The following GALK2 variants were observed in gnomAD, a reference collection of about 807,000 sequenced individuals.
GALK2 encodes the protein N-acetylgalactosamine kinase.
In GALK2, 36 loss-of-function variants were observed where a neutral mutation model predicts 52.4. That is an observed-to-expected ratio of 0.69 (90% CI 0.53 to 0.91). GALK2 has a LOEUF of 0.91. Ranked by LOEUF, GALK2 falls within the 40% of genes least tolerant of loss-of-function variation. The probability of loss-of-function intolerance (pLI) is 0.00; values close to 1 mark genes in which losing one functional copy is unlikely to be tolerated. For synonymous variants in GALK2, 176 were observed against 199.1 expected (o/e 0.88, Z 0.98); for missense variants, 579 against 559.1 (o/e 1.04, Z -0.36).
At chr15:49,193,250 G>A (rs973659754) in intron 1 of GALK2, among the ~76,000 whole-genome samples, 3 of 151,892 alleles carry the variant, frequency 2.0e-5, no homozygotes, top group Non-Finnish European at 4.4e-5. Context: ...CACTCGCCTT[G>A]GCCTCCCAAA....
At position 49,252,265 on chromosome 15, in the gene GALK2, C is replaced by CA. The variant is rs926313332; in HGVS notation, c.504+12908dup. Among the ~76,000 whole-genome samples the CA allele has an allele frequency of 1.1e-4, 16 of 149,760 alleles. No homozygotes were observed. The East Asian group carries it at 1.2e-3, about 11-fold the overall frequency. Reference sequence around the variant, plus strand: ...TGGGTGACAGAGTAAGACTTCGTCTCAAAAAAAAAATTATACACACACACA... The same window carrying CA: ...TGGGTGACAGAGTAAGACTTCGTCTCAAAAAAAAAAATTATACACACACACA... On this transcript the variant is annotated intron_variant, in intron 5 of 9. Coordinates refer to ENST00000560031, the MANE Select transcript of GALK2 (RefSeq NM_002044.4).
At chr15:49,268,492 G>T (rs1381988199) in intron 5 of GALK2, among the ~76,000 whole-genome samples, 1 of 152,226 alleles carries the variant, frequency 6.6e-6, no homozygotes, top group African/African-American at 2.4e-5. Context: ...TCCACTGAAA[G>T]ATGTGGATAG....
intron 5 of GALK2, among the ~76,000 whole-genome samples, chr15:49,267,935 A>G (rs925573499): frequency 6.6e-6 from 1 of 152,202 alleles, no homozygotes; most frequent in African/African-American, 2.4e-5. Context: ...AGAAAGTGAT[A>G]TTTCACTCTC....
rs192471779 is a variant in GALK2, at chr15:49,248,308, G to A, written c.504+8941G>A. Among the ~76,000 whole-genome samples, 11 of 152,274 alleles carry A rather than the reference G, an allele frequency of 7.2e-5. No individual in the cohort carries two copies. The East Asian group carries it at 2.1e-3, about 29-fold the overall frequency. On this transcript the variant is annotated intron_variant, in intron 5 of 9. Transcript: ENST00000560031. ...GCACTGTCACTAATTATTATGCTTA[G>A]AAGTCCACATAAGGACATTGTTTCA...
At chr15:49,224,562 A>G (rs1253522732) in intron 3 of GALK2, among the ~76,000 whole-genome samples, 2 of 152,218 alleles carry the variant, frequency 1.3e-5, no homozygotes, top group Non-Finnish European at 2.9e-5. Flanking sequence ...CAGTTATACC[A>G]GCACCATTTA....
intron 3 of GALK2, among the ~76,000 whole-genome samples, chr15:49,227,702 A>T (rs542003695): frequency 2.0e-5 from 3 of 151,356 alleles, no homozygotes; most frequent in African/African-American, 7.3e-5. Context: ...TGTTTTATAT[A>T]TCTTTTTTCT....
intron 1 of GALK2, among the ~76,000 whole-genome samples, chr15:49,182,346 G>A (rs991380523): frequency 1.3e-5 from 2 of 152,146 alleles, no homozygotes; most frequent in African/African-American, 4.8e-5. Context: ...TTACGGCTGA[G>A]TAGTACTCCA....
intron 2 of GALK2, among the ~76,000 whole-genome samples, chr15:49,210,702 GAGTGTT>G (rs1465748663): frequency 6.6e-6 from 1 of 151,952 alleles, no homozygotes; most frequent in African/African-American, 2.4e-5. Context: ...CGGCCTCCCA[GAGTGTT>G]AGGATTACAG....
intron 3 of GALK2, among the ~76,000 whole-genome samples, chr15:49,226,936 A>G (rs1282012606): frequency 6.6e-6 from 1 of 152,216 alleles, no homozygotes. Context: ...CATTGTATCT[A>G]AGAAGGTATT....
chr15:49,280,919 C>T (rs1448800056), intron 5 of GALK2, among the ~76,000 whole-genome samples: 2 of 152,144 alleles, frequency 1.3e-5, no homozygotes, highest in African/African-American at 2.4e-5. Context: ...TCACTGCAAC[C>T]TCCGCTGCCC....
intron 8 of GALK2, among the ~76,000 whole-genome samples, chr15:49,304,411 T>A (rs2035373822): frequency 5.3e-5 from 8 of 152,212 alleles, no homozygotes; most frequent in Middle Eastern, 3.4e-3. Flanking sequence ...AGCAAAAGAG[T>A]TTGTTCATCT....
chr15:49,355,238 G>A (rs2042941179), intron 3 of GALK2, among the ~76,000 whole-genome samples: 1 of 152,210 alleles, frequency 6.6e-6, no homozygotes, highest in Non-Finnish European at 1.5e-5. Context: ...AAGCTGGATG[G>A]AGAATGACTT....
chr15:49,289,100 G>A (rs1285585099), intron 7 of GALK2, among the ~76,000 whole-genome samples: 1 of 152,152 alleles, frequency 6.6e-6, no homozygotes, highest in East Asian at 1.9e-4. Flanking sequence ...ATCATAATTG[G>A]ATTAAGTTCT....
intron 5 of GALK2, among the ~76,000 whole-genome samples, chr15:49,246,275 T>C (rs1269486032): frequency 6.6e-6 from 1 of 152,172 alleles, no homozygotes; most frequent in African/African-American, 2.4e-5. Flanking sequence ...AGAATAGAAA[T>C]AGCTGGCCTA....
intron 3 of GALK2, among the ~76,000 whole-genome samples, chr15:49,348,272 G>GTATA (rs2041810055): frequency 6.6e-6 from 1 of 152,066 alleles, no homozygotes; most frequent in Non-Finnish European, 1.5e-5. Context: ...CCTCCACAAA[G>GTATA]CTATTCCAAA....
intron 5 of GALK2, among the ~76,000 whole-genome samples, chr15:49,269,951 C>CT (rs1347374841): frequency 6.6e-6 from 1 of 152,252 alleles, no homozygotes; most frequent in East Asian, 1.9e-4. Flanking sequence ...TATTCTTTCT[C>CT]TAAGCCACAC....
chr15:49,325,755 T>C (rs373220700), intron 9 of GALK2, among the ~76,000 whole-genome samples: 3 of 152,326 alleles, frequency 2.0e-5, no homozygotes, highest in African/African-American at 7.2e-5. Flanking sequence ...GACCATGTGA[T>C]TGATGCAATT....
At chr15:49,229,767 G>A (rs1322974482) in intron 3 of GALK2, among the ~76,000 whole-genome samples, 2 of 152,118 alleles carry the variant, frequency 1.3e-5, no homozygotes, top group Admixed American at 1.3e-4. Flanking sequence ...GGGGGAGAGT[G>A]GGGTTGCTTT....
chr15:49,364,122 G>A (rs778677457), intron 3 of GALK2, among the ~76,000 whole-genome samples: 2 of 152,092 alleles, frequency 1.3e-5, no homozygotes, highest in Non-Finnish European at 2.9e-5. Context: ...GGATGATGCT[G>A]GCCTCAGAAT....
Sources: allele counts gnomAD v4.1 joint callset (sites outside exome capture counted in the v4.1 genomes callset), GRCh38; gene constraint gnomAD v4.1.1; transcripts MANE v1.5; gene names NCBI Gene and HGNC (gene_info 2026-07-23, HGNC 2026-07-21).